KLHL8: variants seen among roughly 807,000 people sequenced by gnomAD.
KLHL8 encodes the protein kelch-like protein 8.
A neutral mutation model predicts 63.5 loss-of-function variants in KLHL8; 38 were observed. The ratio of observed to expected loss-of-function variants is 0.60; its 90% CI spans 0.46 to 0.78. The LOEUF is 0.78. KLHL8 is among the 30% of genes least tolerant of loss of function. The probability of loss-of-function intolerance (pLI) is 0.00; values close to 1 mark genes in which losing one functional copy is unlikely to be tolerated. For synonymous variants in KLHL8, 224 were observed against 254.3 expected (o/e 0.88, Z 1.13); for missense variants, 566 against 752.4 (o/e 0.75, Z 2.90).
chr4:87,170,414 T>A lies in KLHL8; in HGVS notation c.1377+33A>T, dbSNP rs775332249. ...TATTTTGGTTATGAATGTAATGCAA[T>A]GTAATTTAATGACAAGTTGCCATAT... On this transcript the variant is annotated intron_variant, in intron 7 of 9. Coordinates refer to ENST00000273963, the MANE Select transcript of KLHL8 (RefSeq NM_020803.5). 15 of 1,571,350 alleles carry A rather than the reference T, an allele frequency of 9.5e-6. No individual in the cohort carries two copies. In the South Asian group the frequency reaches 1.8e-4, roughly 19 times the overall value.
Position 87,196,833 on chromosome 4 carries a change from T to A in KLHL8, c.-151-1143A>T, listed in dbSNP as rs181215966. On this transcript the variant is annotated intron_variant, in intron 1 of 9. Transcript: ENST00000273963. ...ATTTGTAAAACTGAGGCTTTACTAATCCTCAGTTTCTTCATCTATAAACAG... is the reference window on the plus strand; with the variant it reads ...ATTTGTAAAACTGAGGCTTTACTAAACCTCAGTTTCTTCATCTATAAACAG... Among the ~76,000 whole-genome samples, 405 of 152,342 alleles carry A rather than the reference T, an allele frequency of 2.7e-3. 4 individuals are homozygous for A. The highest frequency in any genetic ancestry group is 9.3e-3 in the African/African-American group (388 of 41,590).
intron 1 of KLHL8, among the ~76,000 whole-genome samples, chr4:87,209,521 A>G (rs551506346): frequency 1.3e-5 from 2 of 152,364 alleles, no homozygotes; most frequent in East Asian, 3.9e-4. Flanking sequence ...ATATGTAACA[A>G]AACTAATATA....
At chr4:87,186,743 G>C (rs945667206) in intron 2 of KLHL8, among the ~76,000 whole-genome samples, 3 of 152,098 alleles carry the variant, frequency 2.0e-5, no homozygotes, top group African/African-American at 7.2e-5. Flanking sequence ...GCCTCCCAAA[G>C]TGCTAGGATT....
chr4:87,212,531 TGA>T (rs1436390153), intron 1 of KLHL8, among the ~76,000 whole-genome samples: 2 of 151,938 alleles, frequency 1.3e-5, no homozygotes, highest in Non-Finnish European at 2.9e-5. Flanking sequence ...TAGTGAGCCA[TGA>T]TCTTGCCAGT....
At chr4:87,174,915 C>T (rs1189056873) in intron 6 of KLHL8, among the ~76,000 whole-genome samples, 1 of 152,178 alleles carries the variant, frequency 6.6e-6, no homozygotes, top group Admixed American at 6.5e-5. Context: ...TTCCTTCCTA[C>T]TAAATCAACA....
At chr4:87,188,160 G>A (rs1560701834) in intron 2 of KLHL8, among the ~76,000 whole-genome samples, 1 of 152,130 alleles carries the variant, frequency 6.6e-6, no homozygotes, top group Non-Finnish European at 1.5e-5. Flanking sequence ...ATAAAGCTTG[G>A]CATGTTTTCA....
chr4:87,182,396 A>T (rs1348049275), intron 4 of KLHL8, among the ~76,000 whole-genome samples: 1 of 151,998 alleles, frequency 6.6e-6, no homozygotes, highest in Non-Finnish European at 1.5e-5. Flanking sequence ...TTCTACTCAT[A>T]ATCAGGTATT....
intron 2 of KLHL8, among the ~76,000 whole-genome samples, chr4:87,186,986 A>AC (rs912929346): frequency 6.6e-6 from 1 of 151,888 alleles, no homozygotes; most frequent in Non-Finnish European, 1.5e-5. Context: ...TAAAAAAAAA[A>AC]CACTGCAATC....
intron 1 of KLHL8, among the ~76,000 whole-genome samples, chr4:87,209,436 G>A (rs543846089): frequency 2.0e-5 from 3 of 151,942 alleles, no homozygotes; most frequent in Non-Finnish European, 4.4e-5. Context: ...AAGGCATATC[G>A]ATCAACAAAA....
chr4:87,196,753 A>T (rs766114780), intron 1 of KLHL8, among the ~76,000 whole-genome samples: 2 of 152,216 alleles, frequency 1.3e-5, no homozygotes, highest in Admixed American at 6.5e-5. Context: ...TAAGTTACTA[A>T]TGAAACACCT....
At chr4:87,164,949 C>T (rs1012868757) in intron 8 of KLHL8, among the ~76,000 whole-genome samples, 8 of 151,956 alleles carry the variant, frequency 5.3e-5, no homozygotes, top group Admixed American at 2.0e-4. Flanking sequence ...GAGATCGAGA[C>T]CATCCTGGCT....
rs1169212003 is a variant in KLHL8, at chr4:87,191,280, G to A, written c.216+4044C>T. On this transcript the variant is annotated intron_variant, in intron 2 of 9. Coordinates refer to ENST00000273963, the MANE Select transcript of KLHL8 (RefSeq NM_020803.5). The stretch of plus-strand genomic sequence containing the variant: ...GTCCAGGAGTTCAAGACCAGCCTGG[G>A]CAACATGGCCAAACCCCCTCTCTAC... Among the ~76,000 whole-genome samples, 6 of 152,220 alleles carry A rather than the reference G, an allele frequency of 3.9e-5. No homozygotes were observed. In the South Asian group the frequency reaches 8.3e-4, roughly 21 times the overall value.
chr4:87,202,801 C>T (rs1200298684), intron 1 of KLHL8, among the ~76,000 whole-genome samples: 4 of 152,100 alleles, frequency 2.6e-5, no homozygotes, highest in Non-Finnish European at 4.4e-5. Flanking sequence ...AAACACTTTC[C>T]AACTTATTTC....
At chr4:87,190,054 GAATTTTAGAAAAAGT>G (rs1731422284) in intron 2 of KLHL8, among the ~76,000 whole-genome samples, 1 of 121,816 alleles carries the variant, frequency 8.2e-6, no homozygotes, top group Non-Finnish European at 1.8e-5. Context: ...AAAAAAAAAA[GAATTTTAGAAAAAGT>G]AAAATTTTAT....
At chr4:87,195,201 A>G (rs1731644808) in intron 2 of KLHL8, 123 bp downstream of exon 2, 2 of 675,780 alleles carry the variant, frequency 3.0e-6, no homozygotes, top group Non-Finnish European at 4.9e-6. Context: ...GATTGAGACT[A>G]AAAGCATTCT....
At chr4:87,180,390 T>G (rs999948200) in intron 4 of KLHL8, among the ~76,000 whole-genome samples, 7 of 152,210 alleles carry the variant, frequency 4.6e-5, no homozygotes, top group Admixed American at 3.9e-4. Flanking sequence ...AACATTTATT[T>G]ATTATTCACA....
At chr4:87,226,146 G>A (rs1256954906) in intron 1 of KLHL8, among the ~76,000 whole-genome samples, 3 of 152,178 alleles carry the variant, frequency 2.0e-5, no homozygotes, top group Non-Finnish European at 4.4e-5. Context: ...ATACTTCTGA[G>A]CAAAATTGTA....
chr4:87,231,521 C>G lies in KLHL8; in HGVS notation n.57+8737G>C, dbSNP rs73839125. 6.1e-3 allele frequency among the ~76,000 whole-genome samples: 932 copies of G among 152,092 alleles called. 10 individuals carry two copies. The highest frequency in any genetic ancestry group is 0.021 in the African/African-American group (881 of 41,492). On this transcript the variant is annotated intron_variant and non_coding_transcript_variant, in intron 1 of 1. Transcript: ENST00000506274. ...CAGTAATGTTCACCCCACCTGTGAA[C>G]AGTAACGTTCATCCCACCTGTGGCA...
At chr4:87,239,542 A>G (rs1733292335) in intron 1 of KLHL8, among the ~76,000 whole-genome samples, 1 of 152,194 alleles carries the variant, frequency 6.6e-6, no homozygotes, top group Non-Finnish European at 1.5e-5. Context: ...TCTGCTTGAT[A>G]ATAGATCAGA....
Sources: allele counts gnomAD v4.1 joint callset (sites outside exome capture counted in the v4.1 genomes callset), GRCh38; gene constraint gnomAD v4.1.1; transcripts MANE v1.5; gene names NCBI Gene and HGNC (gene_info 2026-07-23, HGNC 2026-07-21).